SMYD3: variants seen among roughly 807,000 people sequenced by gnomAD.
SMYD3 encodes histone-lysine N-methyltransferase SMYD3.
SMYD3 carries 36 observed loss-of-function variants against 57.7 expected under a neutral mutation model. The observed-to-expected ratio is 0.62, with a 90% CI of 0.48 to 0.82. The LOEUF (loss-of-function observed/expected upper bound fraction) is 0.82. SMYD3 is among the 40% of genes least tolerant of loss of function. SMYD3 has a pLI of 0.00. For synonymous variants in SMYD3, 211 were observed against 195.0 expected (o/e 1.08, Z -0.68); for missense variants, 515 against 538.8 (o/e 0.96, Z 0.44).
chr1:246,196,143 T>A, intron 5 of SMYD3, among the ~76,000 whole-genome samples: 1 of 152,192 alleles, frequency 6.6e-6, no homozygotes, highest in Non-Finnish European at 1.5e-5. Context: ...TTTTGGCAGT[T>A]CTTTAGGCCT....
chr1:246,164,274 T>G (rs1572136761), intron 5 of SMYD3, among the ~76,000 whole-genome samples: 1 of 152,118 alleles, frequency 6.6e-6, no homozygotes, highest in African/African-American at 2.4e-5. Context: ...TACAAAAAAA[T>G]TAGCTGGGCG....
At chr1:245,765,240 T>C (rs567736797) in intron 10 of SMYD3, among the ~76,000 whole-genome samples, 3 of 135,834 alleles carry the variant, frequency 2.2e-5, no homozygotes, top group South Asian at 2.4e-4. Flanking sequence ...AAAAAAAAAA[T>C]ACAAAAATGA....
At chr1:246,354,900 G>T in intron 2 of SMYD3, 131 bp downstream of exon 2, 1 of 755,914 alleles carries the variant, frequency 1.3e-6, no homozygotes, top group Non-Finnish European at 2.2e-6. Flanking sequence ...GTGTGACTCA[G>T]CAGGTGAATA....
At chr1:246,375,796 C>G (rs2066266385) in intron 1 of SMYD3, among the ~76,000 whole-genome samples, 1 of 152,140 alleles carries the variant, frequency 6.6e-6, no homozygotes, top group Non-Finnish European at 1.5e-5. Flanking sequence ...GTGGCATGAT[C>G]TCGGCTCACT....
intron 5 of SMYD3, among the ~76,000 whole-genome samples, chr1:246,247,465 C>CTCTATA (rs1258011037): frequency 2.3e-4 from 26 of 111,898 alleles, no homozygotes; most frequent in South Asian, 2.3e-3. Context: ...CTCTCTCTCT[C>CTCTATA]TATATATATA....
At chr1:246,225,762 T>C (rs1050062172) in intron 5 of SMYD3, among the ~76,000 whole-genome samples, 1 of 152,214 alleles carries the variant, frequency 6.6e-6, no homozygotes, top group Non-Finnish European at 1.5e-5. Context: ...AATCTCTCCA[T>C]ATTTTTCTGC....
chr1:246,262,902 G>C (rs2064037324), intron 5 of SMYD3, among the ~76,000 whole-genome samples: 1 of 152,140 alleles, frequency 6.6e-6, no homozygotes, highest in Admixed American at 6.5e-5. Context: ...CCCAAGTCAG[G>C]TGGCAAATAC....
chr1:246,355,556 C>T lies in SMYD3; in HGVS notation c.165-462G>A, dbSNP rs1180874519. Among the ~76,000 whole-genome samples the T allele has an allele frequency of 1.3e-5, 2 of 152,138 alleles. No homozygotes were observed. The highest frequency in any genetic ancestry group is 3.9e-4 in the East Asian group (2 of 5,180). ...CTGGCGGTCTGGGGCAAGTTCTCAG[C>T]CACAGTCACCAGCTGCCTGGAAACA... is the stretch of plus-strand genomic sequence containing the variant. On this transcript the variant is annotated intron_variant, in intron 1 of 11. Coordinates refer to ENST00000490107, the MANE Select transcript of SMYD3 (RefSeq NM_001167740.2). This position sits in a 1 kb window ranked among gnomAD's most constrained non-coding sequence, Gnocchi z 5.0.
chr1:246,214,341 T>C (rs565576397), intron 5 of SMYD3, among the ~76,000 whole-genome samples: 1 of 151,994 alleles, frequency 6.6e-6, no homozygotes, highest in East Asian at 1.9e-4. Flanking sequence ...CAGCTATGAG[T>C]TGTGTACTCT....
chr1:246,284,697 T>C lies in SMYD3; in HGVS notation c.531+42504A>G, dbSNP rs574505478. ...TCCCAAAGTGCTGGGATTACAGGCA[T>C]GAGCCACCGCGCCCAGCCTCTAATT... On this transcript the variant is annotated intron_variant, in intron 5 of 11. Transcript: ENST00000490107. Among the ~76,000 whole-genome samples the C allele has an allele frequency of 4.4e-3, 665 of 152,310 alleles. 5 individuals are homozygous for C. Among genetic ancestry groups the C allele is most frequent in the Non-Finnish European group, 7.1e-3 (484 of 68,034 alleles).
chr1:246,449,939 C>T (rs1889543), intron 1 of SMYD3, among the ~76,000 whole-genome samples: 35,277 of 152,018 alleles, frequency 0.23, 4,206 homozygotes, highest in Middle Eastern at 0.34. Flanking sequence ...GTTGCAGCTT[C>T]GGCATACCGT....
At chr1:246,028,928 C>T (rs1242795504) in intron 5 of SMYD3, among the ~76,000 whole-genome samples, 1 of 152,152 alleles carries the variant, frequency 6.6e-6, no homozygotes, top group Non-Finnish European at 1.5e-5. Flanking sequence ...GATAAATTCA[C>T]ATATTTACAG....
rs1009992421 is a variant in SMYD3, at chr1:246,203,355, C to T, written c.531+123846G>A. The stretch of plus-strand genomic sequence containing the variant: ...AATCTCTGCTCCATCAATTCTCTCC[C>T]GCTTCTGGACGCCAGCACCTCCCCA... On this transcript the variant is annotated intron_variant, in intron 5 of 11. Transcript: ENST00000490107. The surrounding 1 kb of genome is among the most constrained non-coding windows in gnomAD (Gnocchi z 4.6). Among the ~76,000 whole-genome samples, 5 of 152,188 alleles carry T rather than the reference C, an allele frequency of 3.3e-5. No homozygotes were observed. Among genetic ancestry groups the T allele is most frequent in the African/African-American group, 1.2e-4 (5 of 41,454 alleles).
chr1:246,022,343 G>A lies in SMYD3; in HGVS notation c.532-92406C>T, dbSNP rs186452348. On this transcript the variant is annotated intron_variant, in intron 5 of 11. Coordinates refer to ENST00000490107, the MANE Select transcript of SMYD3 (RefSeq NM_001167740.2). ...AAATGTTTGTTATGGTGGAAAATGA[G>A]GGCCAATGTCTATCAATAGGAGATT... is the stretch of plus-strand genomic sequence containing the variant. Among the ~76,000 whole-genome samples, 301 of 152,280 alleles carry A rather than the reference G, an allele frequency of 2.0e-3. 2 individuals are homozygous for A. The highest frequency in any genetic ancestry group is 9.7e-3 in the East Asian group (50 of 5,174).
At chr1:246,020,616 T>C (rs10157015) in intron 5 of SMYD3, among the ~76,000 whole-genome samples, 48,812 of 152,084 alleles carry the variant, frequency 0.32, 9,930 homozygotes, top group East Asian at 0.56. Flanking sequence ...TAACACTTAT[T>C]GAACTGAGCG....
chr1:246,471,753 T>C (rs1018213647), intron 1 of SMYD3, among the ~76,000 whole-genome samples: 3 of 152,250 alleles, frequency 2.0e-5, no homozygotes, highest in Admixed American at 6.5e-5. Flanking sequence ...TTATATCTTA[T>C]CTATAAATAG....
chr1:246,411,006 C>T lies in SMYD3; in HGVS notation c.165-55912G>A, dbSNP rs539833911. 6.8e-3 allele frequency among the ~76,000 whole-genome samples: 513 copies of T among 74,952 alleles called. 3 individuals carry two copies. The highest frequency in any genetic ancestry group is 0.025 in the African/African-American group (487 of 19,386). 49.2% of individuals were successfully genotyped at this position (74,952 alleles called of 152,430 possible). On this transcript the variant is annotated intron_variant, in intron 1 of 11. Coordinates refer to ENST00000490107, the MANE Select transcript of SMYD3 (RefSeq NM_001167740.2). ...ATGGTAGTTTGTATTTCTGTGGGATCGGTGGTGATATCCCCTTTATTTTTT... is the reference window on the plus strand; with the variant it reads ...ATGGTAGTTTGTATTTCTGTGGGATTGGTGGTGATATCCCCTTTATTTTTT...
At chr1:246,503,938 G>C (rs1381854399) in intron 1 of SMYD3, among the ~76,000 whole-genome samples, 1 of 127,062 alleles carries the variant, frequency 7.9e-6, no homozygotes, top group Non-Finnish European at 1.6e-5. Flanking sequence ...TGGGCAACAA[G>C]AGCAAAACTC....
chr1:246,154,939 G>T (rs147744632), intron 5 of SMYD3, among the ~76,000 whole-genome samples: 4 of 151,692 alleles, frequency 2.6e-5, no homozygotes, highest in East Asian at 3.9e-4. Context: ...CTACCACCAC[G>T]CCTGGCTAAT....
Sources: allele counts gnomAD v4.1 joint callset (sites outside exome capture counted in the v4.1 genomes callset), GRCh38; gene constraint gnomAD v4.1.1; non-coding constraint Gnocchi (gnomAD v3.1); transcripts MANE v1.5; gene names NCBI Gene and HGNC (gene_info 2026-07-23, HGNC 2026-07-21).